The following ULK4 variants were observed in gnomAD, a reference collection of about 807,000 sequenced individuals.
ULK4 encodes the protein unc-51 like kinase 4.
A neutral mutation model predicts 160.6 loss-of-function variants in ULK4; 133 were observed. The observed-to-expected ratio is 0.83, with a 90% CI of 0.72 to 0.96. ULK4 has a LOEUF of 0.96. ULK4 is among the 40% of genes least tolerant of loss of function. The pLI is 0.00. For missense variants in ULK4, 1,580 were observed against 1,499.5 expected (o/e 1.05, Z -0.89); for synonymous variants, 534 against 539.8 (o/e 0.99, Z 0.15).
chr3:41,465,296 CAATATT>C (rs1447541755), intron 32 of ULK4, among the ~76,000 whole-genome samples: 86 of 152,262 alleles, frequency 5.6e-4, no homozygotes, highest in African/African-American at 2.0e-3. Flanking sequence ...TCAACAATAT[CAATATT>C]GTGTCTATTT....
At chr3:41,553,151 T>C (rs183232021) in intron 32 of ULK4, among the ~76,000 whole-genome samples, 1 of 152,106 alleles carries the variant, frequency 6.6e-6, no homozygotes, top group East Asian at 1.9e-4. Flanking sequence ...ATAATATTAC[T>C]AGAAAAAAAT....
chr3:41,265,257 G>A (rs2079010069), intron 35 of ULK4, among the ~76,000 whole-genome samples: 1 of 152,230 alleles, frequency 6.6e-6, no homozygotes, highest in South Asian at 2.1e-4. Flanking sequence ...CTCTGAGAAT[G>A]ATCTGCATGC....
At chr3:41,552,070 T>TA (rs1461942163) in intron 32 of ULK4, among the ~76,000 whole-genome samples, 2 of 151,968 alleles carry the variant, frequency 1.3e-5, no homozygotes, top group Non-Finnish European at 2.9e-5. Flanking sequence ...CTCTTCATGA[T>TA]AAAAACTCTC....
intron 17 of ULK4, chr3:41,854,949 TAAAAAAAAAAAAA>T (rs60582292): frequency 0.17 from 17,825 of 107,050 alleles, 1,368 homozygotes; most frequent in Middle Eastern, 0.34. Flanking sequence ...ATCCTTGGCT[TAAAAAAAAAAAAA>T]AAAAAAAAAA....
intron 30 of ULK4, among the ~76,000 whole-genome samples, chr3:41,634,316 T>A (rs773744596): frequency 6.6e-6 from 1 of 152,188 alleles, no homozygotes; most frequent in Non-Finnish European, 1.5e-5. Context: ...CTCCCAGGCA[T>A]CCTGGGGAAA....
intron 32 of ULK4, among the ~76,000 whole-genome samples, chr3:41,496,732 G>A (rs942400118): frequency 6.6e-6 from 1 of 152,124 alleles, no homozygotes; most frequent in African/African-American, 2.4e-5. Flanking sequence ...ACTTAAGATT[G>A]CACAGATCTG....
chr3:41,292,417 G>A (rs1394096567), intron 35 of ULK4, among the ~76,000 whole-genome samples: 2 of 152,124 alleles, frequency 1.3e-5, no homozygotes, highest in East Asian at 3.9e-4. Flanking sequence ...CTCTACTGAG[G>A]GTGGATCAAC....
intron 32 of ULK4, among the ~76,000 whole-genome samples, chr3:41,478,368 TG>T (rs59578149): frequency 0.29 from 44,153 of 152,110 alleles, 6,961 homozygotes; most frequent in African/African-American, 0.4. Flanking sequence ...GGAAAGTCTC[TG>T]TATTCAGTAC....
At chr3:41,798,982 G>T (rs77468264) in intron 20 of ULK4, among the ~76,000 whole-genome samples, 40 of 152,268 alleles carry the variant, frequency 2.6e-4, no homozygotes, top group Middle Eastern at 3.4e-3. Flanking sequence ...AGATGTGCAG[G>T]TAAATAGGTC....
At chr3:41,725,867 A>G (rs185069759) in intron 22 of ULK4, among the ~76,000 whole-genome samples, 1 of 152,312 alleles carries the variant, frequency 6.6e-6, no homozygotes, top group East Asian at 1.9e-4. Context: ...AAAACACCAA[A>G]CAATCTAGAT....
In ULK4 at chr3:41,789,195, AT is replaced by A. The variant is rs529579182; in HGVS notation, c.2193+465del. ...TCTACTGTATATATAATAAAGGCAT[AT>A]AAAGGACTAGAAGAGGATAGGTTAA... is the stretch of plus-strand genomic sequence containing the variant. On this transcript the variant is annotated intron_variant, in intron 21 of 36. Transcript: ENST00000301831. Among the ~76,000 whole-genome samples the A allele has an allele frequency of 8.5e-5, 13 of 152,340 alleles. No individual in the cohort carries two copies. In the East Asian group the frequency reaches 2.5e-3, roughly 29 times the overall value.
intron 22 of ULK4, among the ~76,000 whole-genome samples, chr3:41,738,833 T>C (rs928634177): frequency 3.9e-5 from 6 of 151,962 alleles, no homozygotes; most frequent in African/African-American, 1.5e-4. Flanking sequence ...CACAAACTTA[T>C]TAGTTTTGAA....
intron 27 of ULK4, among the ~76,000 whole-genome samples, chr3:41,686,351 G>A (rs1039402351): frequency 8.5e-5 from 13 of 152,174 alleles, no homozygotes; most frequent in African/African-American, 2.7e-4. Context: ...AGGGTTTCTT[G>A]GAAGAGGAAG....
At chr3:41,306,002 A>C (rs1340259615) in intron 35 of ULK4, among the ~76,000 whole-genome samples, 1 of 146,984 alleles carries the variant, frequency 6.8e-6, no homozygotes, top group African/African-American at 2.6e-5. Context: ...CCGTCTGAGA[A>C]GTAAGGAGCC....
At chr3:41,771,951 T>C (rs1230602156) in intron 21 of ULK4, among the ~76,000 whole-genome samples, 1 of 152,288 alleles carries the variant, frequency 6.6e-6, no homozygotes, top group East Asian at 1.9e-4. Flanking sequence ...CGGAAGCCTC[T>C]GTCCTGCCTC....
intron 35 of ULK4, among the ~76,000 whole-genome samples, chr3:41,378,343 G>A (rs914974804): frequency 1.3e-5 from 2 of 151,430 alleles, no homozygotes; most frequent in African/African-American, 4.9e-5. Flanking sequence ...CCTGCACAAT[G>A]TGCACATGTA....
chr3:41,918,247 G>T (rs1699041260), intron 7 of ULK4, among the ~76,000 whole-genome samples: 1 of 152,124 alleles, frequency 6.6e-6, no homozygotes, highest in South Asian at 2.1e-4. Flanking sequence ...GTTTTTAAAT[G>T]AGGGAAATCT....
At chr3:41,672,499 T>C (rs954391807) in intron 29 of ULK4, among the ~76,000 whole-genome samples, 1 of 152,148 alleles carries the variant, frequency 6.6e-6, no homozygotes, top group Non-Finnish European at 1.5e-5. Flanking sequence ...AAAAAGTTTC[T>C]CTCACATAGT....
chr3:41,918,444 TAAG>T lies in ULK4; in HGVS notation c.727+10_727+12del, dbSNP rs775897206. 1,040 of 1,543,346 alleles carry T rather than the reference TAAG, an allele frequency of 6.7e-4. 2 individuals are homozygous for T. Among genetic ancestry groups the T allele is most frequent in the Non-Finnish European group, 5.4e-4 (613 of 1,137,830 alleles). On this transcript the variant is annotated intron_variant, in intron 7 of 36. Coordinates refer to ENST00000301831, the MANE Select transcript of ULK4 (RefSeq NM_017886.4). ...AAATGTAAATTAATTCCATTTATCA[TAAG>T]AAATCTTACCTTTCGGAATAGGTGG...
Sources: gnomAD v4.1 joint callset for allele counts (sites outside exome capture counted in the v4.1 genomes callset) on GRCh38, gnomAD v4.1.1 for gene constraint, MANE v1.5 for transcripts, NCBI Gene and HGNC (gene_info 2026-07-23, HGNC 2026-07-21) for gene names.